The following TNFRSF1B variants were observed in gnomAD, a reference collection of about 807,000 sequenced individuals.
TNFRSF1B encodes the protein TNF receptor superfamily member 1B, also known as tumor necrosis factor receptor superfamily member 1B.
In TNFRSF1B, 19 loss-of-function variants were observed where a neutral mutation model predicts 44.6. That is an observed-to-expected ratio of 0.43 (90% CI 0.30 to 0.62). The LOEUF (loss-of-function observed/expected upper bound fraction) is 0.62, where lower values mean the gene tolerates loss of function less well. Among genes scored for constraint, TNFRSF1B ranks in the 20% least tolerant of loss-of-function variants. TNFRSF1B has a pLI of 0.16. For missense variants in TNFRSF1B, 541 were observed against 619.9 expected (o/e 0.87, Z 1.35); for synonymous variants, 252 against 261.1 (o/e 0.97, Z 0.34).
intron 1 of TNFRSF1B, among the ~76,000 whole-genome samples, chr1:12,176,529 T>C (rs866557985): frequency 6.6e-6 from 1 of 152,180 alleles, no homozygotes; most frequent in Non-Finnish European, 1.5e-5. Flanking sequence ...CTCCTTTATT[T>C]AAAAACAAAA....
At chr1:12,188,106 C>T (rs1288495372) in intron 1 of TNFRSF1B, among the ~76,000 whole-genome samples, 6 of 152,104 alleles carry the variant, frequency 3.9e-5, no homozygotes, top group Non-Finnish European at 2.9e-5. Flanking sequence ...TGATGAGTGC[C>T]GGCTCTACGG....
At chr1:12,194,062 A>G in intron 7 of TNFRSF1B, 30 bp downstream of exon 7, 1 of 1,599,566 alleles carries the variant, frequency 6.3e-7, no homozygotes, top group Non-Finnish European at 8.6e-7. Context: ...TCCTTCATCC[A>G]CTTGTTCAGG....
Position 12,194,528 on chromosome 1 carries a change from A to G in TNFRSF1B, c.866-56A>G, listed in dbSNP as rs1570163109. 48 of 1,609,818 alleles carry G rather than the reference A, an allele frequency of 3.0e-5. No individual in the cohort carries two copies. The East Asian group carries it at 1.1e-3, about 36-fold the overall frequency. ...GGGGCCCCATACTGCCCTCCTACTT[A>G]GGACAGATGTGCCTGAGGAAGTCAA... On this transcript the variant is annotated intron_variant, in intron 7 of 9. Transcript: ENST00000376259.
chr1:12,192,610 C>A, intron 5 of TNFRSF1B, 86 bp downstream of exon 5: 2 of 1,320,820 alleles, frequency 1.5e-6, no homozygotes, highest in Non-Finnish European at 2.2e-6. Flanking sequence ...AGCAGCTCAC[C>A]AACCACCATT....
Position 12,206,921 on chromosome 1 carries a change from C to T in TNFRSF1B, c.1287C>T (p.Ala429=), listed in dbSNP as rs747823545. 45 of 1,614,090 alleles carry T rather than the reference C, an allele frequency of 2.8e-5. No individual in the cohort carries two copies. Among genetic ancestry groups the T allele is most frequent in the Admixed American group, 1.0e-4 (6 of 60,008 alleles). ...EQVPFSKEEC[A]FRSQLETPET... ...TCCCCTTCTCCAAGGAGGAATGTGC[C>T]TTTCGGTCACAGCTGGAGACGCCAG... The change falls in exon 10 of 10, where the codon GCC becomes GCT. Residue 429 remains alanine, a synonymous_variant. Transcript: ENST00000376259.
rs1429456845 is a variant in TNFRSF1B at position 12,177,147 on chromosome 1, C to T, written c.78+9978C>T. On this transcript the variant is annotated intron_variant, in intron 1 of 9. Coordinates refer to ENST00000376259, the MANE Select transcript of TNFRSF1B (RefSeq NM_001066.3). The surrounding 1 kb of genome is among the most constrained non-coding windows in gnomAD (Gnocchi z 4.3). ...CCTCCCAAGTAGCTGGGACTACAGG[C>T]GTGCCCCACCACGCCTGGCTAATTT... 2.6e-5 allele frequency among the ~76,000 whole-genome samples: 4 copies of T among 152,074 alleles called. No homozygotes were observed. Among genetic ancestry groups the T allele is most frequent in the African/African-American group, 4.8e-5 (2 of 41,422 alleles).
intron 9 of TNFRSF1B, among the ~76,000 whole-genome samples, chr1:12,204,818 C>CA (rs142394737): frequency 0.022 from 3,400 of 151,374 alleles, 123 homozygotes; most frequent in African/African-American, 0.077. Context: ...CCACCACCAA[C>CA]AAAAAAACCC....
intron 8 of TNFRSF1B, among the ~76,000 whole-genome samples, chr1:12,196,950 T>C (rs1570166762): frequency 6.6e-6 from 1 of 150,740 alleles, no homozygotes; most frequent in Admixed American, 6.6e-5. Flanking sequence ...ATTTTTTTTT[T>C]CTTTCTTTCT....
Position 12,183,830 on chromosome 1 carries a change from T to C in TNFRSF1B, c.79-4966T>C, listed in dbSNP as rs1416473793. On this transcript the variant is annotated intron_variant, in intron 1 of 9. Coordinates refer to ENST00000376259, the MANE Select transcript of TNFRSF1B (RefSeq NM_001066.3). ...GCTATCTATCTATTCTATCTACCTA[T>C]CTATCTATCTATCTATCTATCTACC... Among the ~76,000 whole-genome samples the C allele has an allele frequency of 1.8e-4, 26 of 148,086 alleles. 1 individual carries two copies. The highest frequency in any genetic ancestry group is 4.3e-4 in the South Asian group (2 of 4,632).
chr1:12,188,179 T>C (rs1639028065), intron 1 of TNFRSF1B, among the ~76,000 whole-genome samples: 1 of 149,288 alleles, frequency 6.7e-6, no homozygotes, highest in African/African-American at 2.4e-5. Flanking sequence ...GCTGTCTGCA[T>C]CACATGAGTG....
At chr1:12,174,528 G>A (rs879819129) in intron 1 of TNFRSF1B, among the ~76,000 whole-genome samples, 5 of 152,238 alleles carry the variant, frequency 3.3e-5, no homozygotes, top group South Asian at 4.1e-4. Context: ...AATTACAGGC[G>A]TGAGCCACTG....
At chr1:12,206,574 T>C (rs1639507254) in intron 9 of TNFRSF1B, among the ~76,000 whole-genome samples, 166 bp from the exon 10 acceptor site, 1 of 152,148 alleles carries the variant, frequency 6.6e-6, no homozygotes, top group Non-Finnish European at 1.5e-5. Flanking sequence ...ACATGCAGGT[T>C]AAGTGACTTG....
intron 1 of TNFRSF1B, among the ~76,000 whole-genome samples, chr1:12,183,807 TATCTATCTATTCTATCTAC>T (rs1638908373): frequency 7.1e-6 from 1 of 141,726 alleles, no homozygotes; most frequent in Admixed American, 6.9e-5. Flanking sequence ...TCTATCTAGC[TATCTATCTATTCTATCTAC>T]CTATCTATCT....
Position 12,177,160 on chromosome 1 carries a change from G to A in TNFRSF1B, c.78+9991G>A, listed in dbSNP as rs111632345. On this transcript the variant is annotated intron_variant, in intron 1 of 9. Transcript: ENST00000376259. The surrounding 1 kb of genome is among the most constrained non-coding windows in gnomAD (Gnocchi z 4.3). Reference sequence around the variant, plus strand: ...TGGGACTACAGGCGTGCCCCACCACGCCTGGCTAATTTTTTGTATTTTTTT... The same window carrying A: ...TGGGACTACAGGCGTGCCCCACCACACCTGGCTAATTTTTTGTATTTTTTT... Among the ~76,000 whole-genome samples, 7 of 152,170 alleles carry A rather than the reference G, an allele frequency of 4.6e-5. No homozygotes were observed. Among genetic ancestry groups the A allele is most frequent in the African/African-American group, 1.4e-4 (6 of 41,534 alleles).
rs1172147581 is a variant in TNFRSF1B, at chr1:12,206,787, G to A, written c.1153G>A (p.Val385Met). The A allele has an allele frequency of 4.3e-6, 7 of 1,611,370 alleles. No homozygotes were observed. Among genetic ancestry groups the A allele is most frequent in the African/African-American group, 2.7e-5 (2 of 74,818 alleles). The part of the protein sequence containing the change: ...HGTQVNVTCI[V>M]NVCSSSDHSS... Reference sequence around the variant, plus strand: ...GACCCAGGTCAATGTCACCTGCATCGTGAACGTCTGTAGCAGCTCTGACCA... The same window carrying A: ...GACCCAGGTCAATGTCACCTGCATCATGAACGTCTGTAGCAGCTCTGACCA... Residue 385 changes from valine to methionine, a missense_variant, in exon 10 of 10, where the codon GTG becomes ATG. Transcript: ENST00000376259.
At chr1:12,192,817 C>A in intron 5 of TNFRSF1B, 46 bp from the exon 6 acceptor site, 1 of 1,531,704 alleles carries the variant, frequency 6.5e-7, no homozygotes, top group Non-Finnish European at 8.9e-7. Context: ...CCACCCCAGC[C>A]ACTCTGTCCC....
At position 12,206,886 on chromosome 1, in the gene TNFRSF1B, G is replaced by T. The variant is rs1369524459; in HGVS notation, c.1252G>T (p.Asp418Tyr). ...TDSSPSESPKDEQVPFSKEEC... is the reference protein window; with the variant it reads ...TDSSPSESPKYEQVPFSKEEC... ...TTCCAGCCCCTCGGAGTCCCCGAAG[G>T]ACGAGCAGGTCCCCTTCTCCAAGGA... Residue 418 changes from aspartate (D) to tyrosine (Y), a missense_variant, in exon 10 of 10, where the codon GAC becomes TAC. Coordinates refer to ENST00000376259, the MANE Select transcript of TNFRSF1B (RefSeq NM_001066.3). 6.2e-7 allele frequency: 1 copy of T among 1,614,230 alleles called. No homozygotes were observed. The highest frequency in any genetic ancestry group is 8.5e-7 in the Non-Finnish European group (1 of 1,180,038).
intron 1 of TNFRSF1B, among the ~76,000 whole-genome samples, chr1:12,183,218 G>C (rs567396285): frequency 6.6e-6 from 1 of 152,190 alleles, no homozygotes; most frequent in Non-Finnish European, 1.5e-5. Context: ...GATGGGAGGC[G>C]GCTCAGAGAC....
chr1:12,193,943 T>C lies in TNFRSF1B; in HGVS notation c.788-12T>C. ...TTTTCTGTAGCTGTCTGAGCTTCTC[T>C]TTTCTTTCTAGGACTGATTGTGGGT... On this transcript the variant is annotated splice_polypyrimidine_tract_variant and intron_variant, in intron 6 of 9. Coordinates refer to ENST00000376259, the MANE Select transcript of TNFRSF1B (RefSeq NM_001066.3). 4 of 1,612,558 alleles carry C rather than the reference T, an allele frequency of 2.5e-6. No homozygotes were observed. The highest frequency in any genetic ancestry group is 2.5e-6 in the Non-Finnish European group (3 of 1,178,734).
Sources: gnomAD v4.1 joint callset for allele counts (sites outside exome capture counted in the v4.1 genomes callset) on GRCh38, gnomAD v4.1.1 for gene constraint, Gnocchi (gnomAD v3.1) non-coding constraint, MANE v1.5 for transcripts, NCBI Gene and HGNC (gene_info 2026-07-23, HGNC 2026-07-21) for gene names.